BMPR1B: variants seen among roughly 807,000 people sequenced by gnomAD.
BMPR1B encodes the protein bone morphogenetic protein receptor type 1B, also known as bone morphogenetic protein receptor type-1B.
Under a neutral mutation model 59.1 loss-of-function variants are expected in BMPR1B, and 12 were observed. That is an observed-to-expected ratio of 0.20 (90% CI 0.13 to 0.33). The LOEUF (loss-of-function observed/expected upper bound fraction) is 0.33, where lower values mean the gene tolerates loss of function less well. Among genes scored for constraint, BMPR1B ranks in the 10% least tolerant of loss-of-function variants. The pLI, the probability that BMPR1B is intolerant of heterozygous loss-of-function variation, is 1.00. For synonymous variants in BMPR1B, 237 were observed against 207.3 expected (o/e 1.14, Z -1.23); for missense variants, 550 against 610.9 (o/e 0.90, Z 1.05).
chr4:94,866,311 TC>T (rs900490300), intron 1 of BMPR1B, among the ~76,000 whole-genome samples: 91 of 152,166 alleles, frequency 6.0e-4, no homozygotes, highest in Non-Finnish European at 1.1e-3. Context: ...TGTGTCAACA[TC>T]CACTTGTATT....
At chr4:94,834,958 A>G (rs752225016) in intron 1 of BMPR1B, among the ~76,000 whole-genome samples, 1 of 115,654 alleles carries the variant, frequency 8.6e-6, no homozygotes, top group South Asian at 2.7e-4. Context: ...TTTTTTTTTA[A>G]ATTTTGAAAA....
At chr4:94,863,720 C>A (rs1299890412) in intron 1 of BMPR1B, among the ~76,000 whole-genome samples, 1 of 152,132 alleles carries the variant, frequency 6.6e-6, no homozygotes, top group African/African-American at 2.4e-5. Context: ...TTACTTGAAT[C>A]GTATGTGATG....
chr4:94,825,834 A>G (rs1180158706), intron 1 of BMPR1B, among the ~76,000 whole-genome samples: 1 of 152,218 alleles, frequency 6.6e-6, no homozygotes, highest in Non-Finnish European at 1.5e-5. Flanking sequence ...ATATAAGAAA[A>G]TAAAAACAAA....
chr4:94,782,943 A>G (rs1722637427), intron 1 of BMPR1B, among the ~76,000 whole-genome samples: 1 of 151,948 alleles, frequency 6.6e-6, no homozygotes, highest in Non-Finnish European at 1.5e-5. Flanking sequence ...CTCCACTCCT[A>G]ATGCTTGTTT....
chr4:94,931,536 G>T (rs1041260899), intron 2 of BMPR1B, among the ~76,000 whole-genome samples: 6 of 152,074 alleles, frequency 3.9e-5, no homozygotes, highest in Admixed American at 2.6e-4. Flanking sequence ...AAGCTCTGCA[G>T]CCTCTGCCTG....
At chr4:95,132,816 T>C (rs1733465315) in intron 10 of BMPR1B, among the ~76,000 whole-genome samples, 1 of 152,184 alleles carries the variant, frequency 6.6e-6, no homozygotes, top group African/African-American at 2.4e-5. Context: ...TCCATTCTCT[T>C]TGGACACTGC....
At chr4:94,798,378 C>G (rs546049392) in intron 1 of BMPR1B, among the ~76,000 whole-genome samples, 3 of 152,344 alleles carry the variant, frequency 2.0e-5, no homozygotes, top group African/African-American at 7.2e-5. Flanking sequence ...ATGTGTCCCA[C>G]AGCTCTCAAA....
At chr4:94,818,470 T>G (rs1724089957) in intron 1 of BMPR1B, among the ~76,000 whole-genome samples, 1 of 152,200 alleles carries the variant, frequency 6.6e-6, no homozygotes, top group South Asian at 2.1e-4. Context: ...TGGTATAGTT[T>G]TAGCTCTTAG....
intron 2 of BMPR1B, among the ~76,000 whole-genome samples, chr4:94,938,425 G>T (rs1352809511): frequency 6.6e-6 from 1 of 151,680 alleles, no homozygotes; most frequent in African/African-American, 2.4e-5. Flanking sequence ...AGCCCAGGAG[G>T]CAGAGGTTGC....
At chr4:94,957,908 G>C (rs6838877) in intron 2 of BMPR1B, among the ~76,000 whole-genome samples, 3 of 152,006 alleles carry the variant, frequency 2.0e-5, no homozygotes. Flanking sequence ...AATAAGAAGC[G>C]TAGATGGAAT....
chr4:94,808,490 G>A (rs1450952104), intron 1 of BMPR1B, among the ~76,000 whole-genome samples: 1 of 152,136 alleles, frequency 6.6e-6, no homozygotes, highest in East Asian at 1.9e-4. Flanking sequence ...TTTGGTTGCA[G>A]TTTTTTATTT....
chr4:94,916,892 G>A (rs761515681), intron 2 of BMPR1B, among the ~76,000 whole-genome samples: 12 of 152,214 alleles, frequency 7.9e-5, no homozygotes, highest in South Asian at 6.2e-4. Context: ...GAATGGTTTC[G>A]TGGGACAGGC....
At chr4:95,085,721 C>T (rs376900701) in intron 3 of BMPR1B, among the ~76,000 whole-genome samples, 6 of 152,194 alleles carry the variant, frequency 3.9e-5, no homozygotes, top group Non-Finnish European at 5.9e-5. Context: ...GATGTTGCAG[C>T]GGAAGTTGAG....
chr4:94,929,306 G>A (rs546603962), intron 2 of BMPR1B, among the ~76,000 whole-genome samples: 3 of 152,188 alleles, frequency 2.0e-5, no homozygotes, highest in Admixed American at 2.0e-4. Context: ...ATCACTTGGA[G>A]CATTTAATAT....
At chr4:94,880,037 T>C (rs1726897455) in intron 2 of BMPR1B, among the ~76,000 whole-genome samples, 1 of 151,362 alleles carries the variant, frequency 6.6e-6, no homozygotes, top group Admixed American at 6.6e-5. Context: ...CATCTTATTA[T>C]ATAAAATGAC....
intron 2 of BMPR1B, among the ~76,000 whole-genome samples, chr4:94,985,052 T>TTG (rs1415126395): frequency 1.3e-5 from 2 of 152,150 alleles, no homozygotes; most frequent in Admixed American, 1.3e-4. Flanking sequence ...TGTGAACAGA[T>TTG]GGCATGGTAC....
At chr4:94,827,238 A>G (rs1450742217) in intron 1 of BMPR1B, among the ~76,000 whole-genome samples, 4 of 152,106 alleles carry the variant, frequency 2.6e-5, no homozygotes, top group Non-Finnish European at 5.9e-5. Context: ...TCTGTCTTTG[A>G]CTTGAGACAG....
chr4:95,002,772 T>C (rs1395749370), intron 3 of BMPR1B, among the ~76,000 whole-genome samples: 1 of 152,226 alleles, frequency 6.6e-6, no homozygotes, highest in Non-Finnish European at 1.5e-5. Flanking sequence ...ACCTTTCACT[T>C]TAAATAAGTA....
chr4:95,148,753 C>G lies in BMPR1B; in HGVS notation c.1082C>G (p.Thr361Arg), dbSNP rs1416896677. The part of the protein sequence containing the change: ...LGLAVKFISD[T>R]NEVDIPPNTR... The stretch of plus-strand genomic sequence containing the variant: ...TTGCTTTACTTTTTCCTTAGTGATA[C>G]AAATGAAGTTGACATACCACCTAAC... The change falls in exon 11 of 13, where the codon ACA (threonine) becomes AGA (arginine). Residue 361 changes from threonine (T) to arginine (R), a missense_variant. Physicochemically the swap from Thr to Arg is moderately conservative, Grantham distance 71. Around this residue, in one of 6 missense-constraint regions of BMPR1B, gnomAD observed 318 missense variants for 284.6 expected, o/e 1.12. Transcript: ENST00000515059. The G allele has an allele frequency of 1.2e-6, 2 of 1,613,742 alleles. No individual in the cohort carries two copies. The highest frequency in any genetic ancestry group is 1.7e-5 in the Admixed American group (1 of 59,962).
Sources: gnomAD v4.1 joint callset for allele counts (sites outside exome capture counted in the v4.1 genomes callset) on GRCh38, gnomAD v4.1.1 for gene constraint, gnomAD v4.1.1 regional missense constraint, MANE v1.5 for transcripts, NCBI Gene and HGNC (gene_info 2026-07-23, HGNC 2026-07-21) for gene names.